Variants in KIR2DL3 observed in about 807,000 individuals in gnomAD.
The protein encoded by KIR2DL3 is killer cell immunoglobulin-like receptor 2DL3.
A neutral mutation model predicts 33.8 loss-of-function variants in KIR2DL3; 39 were observed. The ratio of observed to expected loss-of-function variants is 1.15; its 90% CI spans 0.89 to 1.51. The LOEUF is 1.51. Among genes scored for constraint, KIR2DL3 ranks in the 40% most tolerant of loss-of-function variants. The probability of loss-of-function intolerance (pLI) is 0.00; values close to 1 mark genes in which losing one functional copy is unlikely to be tolerated. For missense variants in KIR2DL3, 462 were observed against 426.2 expected (o/e 1.08, Z -0.74); for synonymous variants, 174 against 160.2 (o/e 1.09, Z -0.65).
chr19:54,743,717 G>A (rs2071636270), intron 3 of KIR2DL3, 78 bp from the exon 4 acceptor site: 1 of 1,161,192 alleles, frequency 8.6e-7, no homozygotes, highest in Non-Finnish European at 1.2e-6. Flanking sequence ...ATAGAGCAGG[G>A]GAGTGAGTTC....
intron 2 of KIR2DL3, among the ~76,000 whole-genome samples, chr19:54,740,618 T>A (rs1164632276): frequency 1.8e-4 from 27 of 151,548 alleles, no homozygotes; most frequent in African/African-American, 6.3e-4. Flanking sequence ...CTGTTGGGCA[T>A]GTCCTTGAGG....
intron 2 of KIR2DL3, among the ~76,000 whole-genome samples, chr19:54,739,931 G>A (rs369418842): frequency 6.4e-3 from 981 of 152,124 alleles, no homozygotes; most frequent in Middle Eastern, 0.021. Context: ...TCTGATGGGG[G>A]CTCAGTTGTT....
Position 54,752,641 on chromosome 19 carries a change from A to G in KIR2DL3, c.*122A>G. 7.8e-7 allele frequency: 1 copy of G among 1,278,642 alleles called. No individual in the cohort carries two copies. The allele number at this position is 1,278,642 out of a possible 1,614,324, so 79.2% of individuals were successfully genotyped here. On this transcript the variant is annotated 3_prime_UTR_variant, in exon 8 of 8. Coordinates refer to ENST00000342376, the MANE Select transcript of KIR2DL3 (RefSeq NM_015868.3). Reference sequence around the variant, plus strand: ...CAATGTACCAGCAGCTGGAATCTGAAGGCGTGAGTCTGCATCTTAGGGCAT... The same window carrying G: ...CAATGTACCAGCAGCTGGAATCTGAGGGCGTGAGTCTGCATCTTAGGGCAT...
intron 2 of KIR2DL3, 124 bp from the exon 3 acceptor site, chr19:54,741,856 A>C (rs2071185451): frequency 5.5e-6 from 7 of 1,271,256 alleles, no homozygotes; most frequent in Non-Finnish European, 1.1e-6. Context: ...ACAGAAAAGA[A>C]CATGAAGACA....
chr19:54,747,974 G>GT (rs1489157239), intron 5 of KIR2DL3, among the ~76,000 whole-genome samples: 13 of 152,086 alleles, frequency 8.5e-5, no homozygotes, highest in African/African-American at 3.1e-4. Context: ...AAACAAAACG[G>GT]TTTTTTAATT....
chr19:54,749,374 G>T (rs553851112), intron 5 of KIR2DL3, among the ~76,000 whole-genome samples: 5,186 of 133,746 alleles, frequency 0.039, 93 homozygotes, highest in Middle Eastern at 0.075. Flanking sequence ...CCCCACTGGT[G>T]AAATGTGGTG....
intron 3 of KIR2DL3, among the ~76,000 whole-genome samples, chr19:54,743,512 T>A (rs1233050479): frequency 1.3e-5 from 2 of 152,168 alleles, no homozygotes; most frequent in Non-Finnish European, 2.9e-5. Context: ...AAACTTAGAA[T>A]TTAAAAAAGT....
chr19:54,743,477 A>C (rs1287058989), intron 3 of KIR2DL3, among the ~76,000 whole-genome samples: 1 of 152,282 alleles, frequency 6.6e-6, no homozygotes, highest in Non-Finnish European at 1.5e-5. Context: ...ATATGCAGAA[A>C]GTTATGAACA....
At chr19:54,747,718 G>C (rs1214272633) in intron 5 of KIR2DL3, among the ~76,000 whole-genome samples, 2 of 152,184 alleles carry the variant, frequency 1.3e-5, no homozygotes, top group Admixed American at 1.3e-4. Context: ...GGGAAGGGAA[G>C]GGAACATCTG....
At chr19:54,749,378 T>G (rs1472898466) in intron 5 of KIR2DL3, among the ~76,000 whole-genome samples, 3 of 136,346 alleles carry the variant, frequency 2.2e-5, no homozygotes, top group African/African-American at 8.0e-5. Context: ...ACTGGTGAAA[T>G]GTGGTGCTGA....
Position 54,751,285 on chromosome 19 carries a change from A to C in KIR2DL3, c.716-364A>C, listed in dbSNP as rs965182070. Among the ~76,000 whole-genome samples, 2 of 131,194 alleles carry C rather than the reference A, an allele frequency of 1.5e-5. 1 individual carries two copies. The highest frequency in any genetic ancestry group is 1.6e-4 in the Admixed American group (2 of 12,696). The allele number at this position is 131,194 out of a possible 152,430, so 86.1% of individuals were successfully genotyped here. A position where few individuals can be genotyped will look rare whatever the true frequency, so the allele number is the denominator to read the frequency against. On this transcript the variant is annotated intron_variant, in intron 5 of 7. Transcript: ENST00000342376. The stretch of plus-strand genomic sequence containing the variant: ...CTTTTGAACAACCAGCTCTCCAGGA[A>C]CTAATAGAAGGGGAACTTGCTAACC...
chr19:54,743,295 A>C (rs556566762), intron 3 of KIR2DL3, among the ~76,000 whole-genome samples: 1 of 152,200 alleles, frequency 6.6e-6, no homozygotes, highest in Admixed American at 6.5e-5. Flanking sequence ...ATAGAGAGGC[A>C]GACAGAAATC....
rs147414118 is a variant in KIR2DL3, at chr19:54,742,170, C to A, written c.261C>A (p.Ile87=). The A allele has an allele frequency of 1.9e-6, 3 of 1,614,154 alleles. No homozygotes were observed. Among genetic ancestry groups the A allele is most frequent in the South Asian group, 1.1e-5 (1 of 91,086 alleles). ...HDGVSKANFS[I]GPMMQDLAGT... is the part of the protein sequence containing the mutation. ...GGGTCTCCAAGGCCAACTTCTCCAT[C>A]GGTCCCATGATGCAAGACCTTGCAG... Residue 87 remains isoleucine (I), a synonymous_variant, in exon 3 of 8, where the codon ATC becomes ATA. Transcript: ENST00000342376.
intron 6 of KIR2DL3, 90 bp downstream of exon 6, chr19:54,751,843 A>T (rs1464969771): frequency 8.9e-7 from 1 of 1,121,650 alleles, no homozygotes; most frequent in Non-Finnish European, 1.3e-6. Flanking sequence ...CACAGACAGG[A>T]TGGTCCCTGG....
chr19:54,750,369 T>C (rs943931017), intron 5 of KIR2DL3, among the ~76,000 whole-genome samples: 1 of 140,982 alleles, frequency 7.1e-6, no homozygotes, highest in Non-Finnish European at 1.6e-5. Context: ...GCCGAGGGGG[T>C]GGTCCTTCCC....
intron 4 of KIR2DL3, among the ~76,000 whole-genome samples, chr19:54,744,870 T>TTATATATATATATATATATATATATA (rs1185648350): frequency 8.9e-5 from 7 of 78,412 alleles, no homozygotes; most frequent in South Asian, 7.7e-4. Flanking sequence ...ATAAATACAT[T>TTATATATATATATATATATATATATA]TATATATATA....
Position 54,752,271 on chromosome 19 carries a change from A to G in KIR2DL3, c.873+3A>G. On this transcript the variant is annotated splice_donor_region_variant and intron_variant, in intron 7 of 7. Transcript: ENST00000342376. ...GGAACAGAACAGTGAACAGGGAGGT[A>G]GGTGCTCCTCGGCCCAGCCTCGTGG... 1 of 1,485,670 alleles carries G rather than the reference A, an allele frequency of 6.7e-7. No individual in the cohort carries two copies. Among genetic ancestry groups the G allele is most frequent in the Non-Finnish European group, 9.2e-7 (1 of 1,087,676 alleles). The allele number at this position is 1,485,670 out of a possible 1,614,324, so 92.0% of individuals were successfully genotyped here. A position where few individuals can be genotyped will look rare whatever the true frequency, so the allele number is the denominator to read the frequency against.
At position 54,742,293 on chromosome 19, in the gene KIR2DL3, G is replaced by C; in HGVS notation, c.370+14G>C. On this transcript the variant is annotated intron_variant, in intron 3 of 7. Transcript: ENST00000342376. ...TCGTCATCACAGGTGAGAGTGTCCG[G>C]ACATTCTCATTGTCATTGGGATGCA... 1.2e-6 allele frequency: 2 copies of C among 1,612,272 alleles called. No individual in the cohort carries two copies. Among genetic ancestry groups the C allele is most frequent in the Non-Finnish European group, 1.7e-6 (2 of 1,178,524 alleles).
rs148321152 is a variant in KIR2DL3 at position 54,752,227 on chromosome 19, A to C, written c.832A>C (p.Met278Leu). 7 of 1,472,020 alleles carry C rather than the reference A, an allele frequency of 4.8e-6. 1 individual carries two copies. The highest frequency in any genetic ancestry group is 3.1e-5 in the African/African-American group (2 of 65,338). 91.2% of individuals were successfully genotyped at this position (1,472,020 alleles called of 1,614,324 possible). A position where few individuals can be genotyped will look rare whatever the true frequency, so the allele number is the denominator to read the frequency against. The change falls in exon 7 of 8, where the codon ATG becomes CTG. Residue 278 changes from methionine to leucine, a missense_variant. Coordinates refer to ENST00000342376, the MANE Select transcript of KIR2DL3 (RefSeq NM_015868.3). ...TCCGTCTTCTACAGATGCTGTTGTA[A>C]TGGACCAAGAGCCTGCAGGGAACAG... ...WCCNKKNAVV[M>L]DQEPAGNRTV...
Sources: gnomAD v4.1 joint callset for allele counts (sites outside exome capture counted in the v4.1 genomes callset) on GRCh38, gnomAD v4.1.1 for gene constraint, MANE v1.5 for transcripts, NCBI Gene and HGNC (gene_info 2026-07-23, HGNC 2026-07-21) for gene names.